MAST4: variants seen among roughly 807,000 people sequenced by gnomAD.
MAST4 encodes the protein microtubule associated serine/threonine kinase family member 4, also known as microtubule-associated serine/threonine-protein kinase 4.
MAST4 carries 89 observed loss-of-function variants against 162.7 expected under a neutral mutation model. The ratio of observed to expected loss-of-function variants is 0.55; its 90% CI spans 0.46 to 0.65. The LOEUF (loss-of-function observed/expected upper bound fraction) is 0.65. MAST4 is among the 30% of genes least tolerant of loss of function. The probability of loss-of-function intolerance (pLI) is 0.00; values close to 1 mark genes in which losing one functional copy is unlikely to be tolerated. For missense variants in MAST4, 3,153 were observed against 3,374.0 expected (o/e 0.93, Z 1.62); for synonymous variants, 1,479 against 1,361.1 (o/e 1.09, Z -1.91).
chr5:66,860,978 G>A (rs1372812718), intron 3 of MAST4, among the ~76,000 whole-genome samples: 1 of 152,158 alleles, frequency 6.6e-6, no homozygotes, highest in Non-Finnish European at 1.5e-5. Context: ...CCTGAGTCTG[G>A]TGCTCGGAAG....
At chr5:67,115,952 A>G (rs1342322765) in intron 12 of MAST4, among the ~76,000 whole-genome samples, 1 of 152,040 alleles carries the variant, frequency 6.6e-6, no homozygotes, top group African/African-American at 2.4e-5. Context: ...ACGCTGGTAT[A>G]GTTAAGATTG....
intron 1 of MAST4, among the ~76,000 whole-genome samples, chr5:66,755,147 C>A (rs903964902): frequency 6.6e-6 from 1 of 152,034 alleles, no homozygotes. Flanking sequence ...AAGGGGATGG[C>A]AGGGACAAGG....
chr5:67,084,997 A>C (rs1019446601), intron 5 of MAST4, among the ~76,000 whole-genome samples: 1 of 152,226 alleles, frequency 6.6e-6, no homozygotes, highest in Admixed American at 6.5e-5. Context: ...ATATAATTGC[A>C]TAATCGTGGA....
chr5:66,814,362 G>T (rs529823299), intron 3 of MAST4, among the ~76,000 whole-genome samples: 1 of 152,126 alleles, frequency 6.6e-6, no homozygotes, highest in African/African-American at 2.4e-5. Context: ...GCATTTTCCT[G>T]TTGTGGGGCT....
At chr5:67,143,756 T>A (rs1770706644) in intron 21 of MAST4, among the ~76,000 whole-genome samples, 1 of 152,150 alleles carries the variant, frequency 6.6e-6, no homozygotes, top group African/African-American at 2.4e-5. Context: ...CTTTGCTAAG[T>A]GTGGACTCAG....
intron 1 of MAST4, among the ~76,000 whole-genome samples, chr5:66,654,156 T>C (rs1342995290): frequency 6.6e-6 from 1 of 152,180 alleles, no homozygotes; most frequent in Non-Finnish European, 1.5e-5. Flanking sequence ...CGATAAAGAA[T>C]AGGGGCTACA....
At chr5:67,146,055 GA>G (rs1771046658) in intron 23 of MAST4, among the ~76,000 whole-genome samples, 1 of 152,210 alleles carries the variant, frequency 6.6e-6, no homozygotes, top group Admixed American at 6.5e-5. Flanking sequence ...ACGTGCATAT[GA>G]AATAACTCCA....
At chr5:67,068,471 T>A (rs114547315) in intron 5 of MAST4, among the ~76,000 whole-genome samples, 2,179 of 152,208 alleles carry the variant, frequency 0.014, 31 homozygotes, top group African/African-American at 0.037. Context: ...TGAGACTCAC[T>A]CCCTATCACG....
chr5:67,158,432 C>T (rs925229211), intron 26 of MAST4, among the ~76,000 whole-genome samples: 11 of 151,996 alleles, frequency 7.2e-5, no homozygotes, highest in African/African-American at 2.4e-4. Context: ...CTAAGTCAGC[C>T]GTGGTTGTGT....
chr5:66,997,415 G>A (rs753340172), intron 4 of MAST4, among the ~76,000 whole-genome samples: 1 of 147,084 alleles, frequency 6.8e-6, no homozygotes, highest in East Asian at 2.0e-4. Flanking sequence ...CCTAATTAAT[G>A]TGTTTTTTTT....
In MAST4 at chr5:67,133,617, A is replaced by G; in HGVS notation, c.2197A>G (p.Lys733Glu). Reference protein sequence around the residue: ...TTNLYEGHIEKDAREFLDKQV... With the variant: ...TTNLYEGHIEEDAREFLDKQV... ...CAACCTTTACGAGGGTCATATTGAG[A>G]AGGATGCTAGAGAGTTCCTGGATAA... The change falls in exon 17 of 29, where the codon AAG becomes GAG. Residue 733 changes from lysine to glutamate, a missense_variant. Lys to Glu is a moderately conservative substitution (Grantham distance 56, BLOSUM62 1). Around this residue, in one of 7 missense-constraint regions of MAST4, gnomAD observed 131 missense variants for 253.8 expected, o/e 0.52. Coordinates refer to ENST00000403625, the MANE Select transcript of MAST4 (RefSeq NM_001164664.2). 1 of 1,613,298 alleles carries G rather than the reference A, an allele frequency of 6.2e-7. No homozygotes were observed. The highest frequency in any genetic ancestry group is 8.5e-7 in the Non-Finnish European group (1 of 1,179,438).
intron 1 of MAST4, among the ~76,000 whole-genome samples, chr5:66,677,298 G>A (rs745875654): frequency 6.6e-6 from 1 of 152,106 alleles, no homozygotes; most frequent in Non-Finnish European, 1.5e-5. Flanking sequence ...AAGTTACAAC[G>A]GCAATCACCA....
intron 3 of MAST4, among the ~76,000 whole-genome samples, chr5:66,845,540 G>A (rs1186734207): frequency 6.6e-6 from 1 of 152,040 alleles, no homozygotes; most frequent in Non-Finnish European, 1.5e-5. Context: ...TTGGTTCCAA[G>A]TCTTTGCTAT....
At chr5:66,693,091 A>G (rs1478493388) in intron 1 of MAST4, among the ~76,000 whole-genome samples, 1 of 151,382 alleles carries the variant, frequency 6.6e-6, no homozygotes, top group Non-Finnish European at 1.5e-5. Flanking sequence ...GTTTTTAGGG[A>G]TCAGCAGGTC....
intron 4 of MAST4, among the ~76,000 whole-genome samples, chr5:66,977,177 C>T (rs886235222): frequency 9.2e-5 from 14 of 152,070 alleles, no homozygotes; most frequent in African/African-American, 2.4e-4. Context: ...CTCGGCTCAC[C>T]GTAACTTCCG....
chr5:66,630,223 T>C (rs1744709939), intron 1 of MAST4, among the ~76,000 whole-genome samples: 1 of 152,224 alleles, frequency 6.6e-6, no homozygotes, highest in Non-Finnish European at 1.5e-5. Flanking sequence ...CTCTAGGATG[T>C]CACAGACTCT....
At chr5:66,601,285 A>G (rs1742536200) in intron 1 of MAST4, among the ~76,000 whole-genome samples, 1 of 152,188 alleles carries the variant, frequency 6.6e-6, no homozygotes, top group African/African-American at 2.4e-5. Context: ...GGACTCTACC[A>G]AATTCAGTAA....
chr5:66,750,604 G>A lies in MAST4; in HGVS notation c.364-9105G>A, dbSNP rs538755866. Among the ~76,000 whole-genome samples, 11 of 152,314 alleles carry A rather than the reference G, an allele frequency of 7.2e-5. No homozygotes were observed. The East Asian group carries it at 9.7e-4, about 13-fold the overall frequency. On this transcript the variant is annotated intron_variant, in intron 1 of 28. Coordinates refer to ENST00000403625, the MANE Select transcript of MAST4 (RefSeq NM_001164664.2). ...TTTTCCGACCGGCTTAAAAAACGGCGCACCAGGAGATTATATCCCGCACCT... is the reference window on the plus strand; with the variant it reads ...TTTTCCGACCGGCTTAAAAAACGGCACACCAGGAGATTATATCCCGCACCT...
chr5:66,768,148 A>T (rs755770736), intron 2 of MAST4, among the ~76,000 whole-genome samples: 19 of 152,350 alleles, frequency 1.2e-4, no homozygotes, highest in Non-Finnish European at 2.1e-4. Flanking sequence ...TGAGAAGAAA[A>T]TGTGCAATGA....
Sources: allele counts gnomAD v4.1 joint callset (sites outside exome capture counted in the v4.1 genomes callset), GRCh38; gene constraint gnomAD v4.1.1; regional missense constraint gnomAD v4.1.1; transcripts MANE v1.5; gene names NCBI Gene and HGNC (gene_info 2026-07-23, HGNC 2026-07-21).